The following RGPD8 variants were observed in gnomAD, a reference collection of about 807,000 sequenced individuals.
RGPD8 encodes the protein RANBP2 like and GRIP domain containing 8.
In RGPD8, 15 loss-of-function variants were observed where a neutral mutation model predicts 89.1. The observed-to-expected ratio is 0.17, with a 90% confidence interval of 0.11 to 0.26. The LOEUF is 0.26. Among genes scored for constraint, RGPD8 ranks in the 10% least tolerant of loss-of-function variants. RGPD8 has a pLI of 1.00. For missense variants in RGPD8, 178 were observed against 1,179.6 expected, an observed-to-expected ratio of 0.15 and a Z score of 12.44; for synonymous variants, 62 against 420.9, an observed-to-expected ratio of 0.15 and a Z score of 10.44.
At chr2:112,415,346 G>A (rs1381644751) in intron 6 of RGPD8, among the ~76,000 whole-genome samples, 1 of 152,084 alleles carries the variant, frequency 6.6e-6, no homozygotes, top group South Asian at 2.1e-4. Flanking sequence ...GGGCCCATGA[G>A]GCCTGATTAA....
chr2:112,423,950 AG>A (rs1679650556), intron 2 of RGPD8, among the ~76,000 whole-genome samples: 1 of 152,244 alleles, frequency 6.6e-6, no homozygotes, highest in South Asian at 2.1e-4. Flanking sequence ...ATTAAGATAT[AG>A]GCATGGTCCT....
intron 7 of RGPD8, among the ~76,000 whole-genome samples, chr2:112,409,529 G>T (rs1235138041): frequency 6.9e-6 from 1 of 144,198 alleles, no homozygotes; most frequent in African/African-American, 2.9e-5. Context: ...AGGTGTGGTG[G>T]CTCATACCTG....
At chr2:112,432,686 C>T (rs1234060321) in intron 1 of RGPD8, 1 of 985,222 alleles carries the variant, frequency 1.0e-6, no homozygotes, top group Non-Finnish European at 1.2e-6. Flanking sequence ...GGTGCCCAAG[C>T]CCCCGAGAAC....
chr2:112,424,770 A>C (rs1462194567), intron 1 of RGPD8, among the ~76,000 whole-genome samples: 15 of 150,384 alleles, frequency 1.0e-4, no homozygotes, highest in East Asian at 3.9e-4. Flanking sequence ...TCATCATCAT[A>C]AATAAGCTGG....
chr2:112,377,020 T>G (rs370927456), intron 22 of RGPD8, among the ~76,000 whole-genome samples: 93 of 93,392 alleles, frequency 1.0e-3, no homozygotes, highest in African/African-American at 2.8e-3. Context: ...CTCTCCCCTA[T>G]TTACGCCAAA....
chr2:112,376,542 G>A lies in RGPD8; in HGVS notation c.5263+1511C>T, dbSNP rs1337933619. 3.5e-5 allele frequency among the ~76,000 whole-genome samples: 4 copies of A among 115,172 alleles called. 1 individual carries two copies. Among genetic ancestry groups the A allele is most frequent in the African/African-American group, 9.1e-5 (3 of 33,006 alleles). The allele number at this position is 115,172 out of a possible 152,430, so 75.6% of individuals were successfully genotyped here. On this transcript the variant is annotated intron_variant, in intron 22 of 22. Transcript: ENST00000302558. Reference sequence around the variant, plus strand: ...TAAAAAAACAACAAAATGACTGGGCGTGGTGGCTCACACCTGTAATCCCAG... The same window carrying A: ...TAAAAAAACAACAAAATGACTGGGCATGGTGGCTCACACCTGTAATCCCAG...
intron 2 of RGPD8, among the ~76,000 whole-genome samples, chr2:112,424,019 T>C (rs1679653990): frequency 6.6e-6 from 1 of 152,226 alleles, no homozygotes; most frequent in Admixed American, 6.5e-5. Context: ...AACAATTTCT[T>C]GCCCTTGGTA....
At chr2:112,417,099 A>C (rs1463399015) in intron 6 of RGPD8, 94 bp downstream of exon 6, 8 of 1,606,066 alleles carry the variant, frequency 5.0e-6, no homozygotes, top group Non-Finnish European at 6.8e-6. Flanking sequence ...CATTATAGAA[A>C]TAATGATTCA....
At chr2:112,411,015 G>A (rs1679164141) in intron 7 of RGPD8, among the ~76,000 whole-genome samples, 3 of 151,960 alleles carry the variant, frequency 2.0e-5, no homozygotes, top group Admixed American at 1.3e-4. Flanking sequence ...AACCCGGGAG[G>A]CAGAGGTTGC....
chr2:112,392,766 A>AT (rs1384196461), intron 18 of RGPD8, among the ~76,000 whole-genome samples: 11 of 94,668 alleles, frequency 1.2e-4, no homozygotes, highest in African/African-American at 4.0e-4. Flanking sequence ...CCATGAACTC[A>AT]TTAATATTCA....
intron 19 of RGPD8, among the ~76,000 whole-genome samples, 154 bp from the exon 20 acceptor site, chr2:112,390,401 C>G (rs1028227279): frequency 7.6e-6 from 1 of 132,152 alleles, no homozygotes; most frequent in African/African-American, 2.8e-5. Context: ...CATTAATGTG[C>G]CAGCTGGGCA....
chr2:112,431,076 A>T (rs1421692489), intron 1 of RGPD8, among the ~76,000 whole-genome samples: 2 of 152,138 alleles, frequency 1.3e-5, no homozygotes, highest in African/African-American at 4.8e-5. Context: ...ACATGGTGAA[A>T]CCCAGTCTCT....
intron 1 of RGPD8, among the ~76,000 whole-genome samples, chr2:112,430,606 A>G (rs992611007): frequency 1.9e-4 from 29 of 151,444 alleles, no homozygotes; most frequent in African/African-American, 6.3e-4. Flanking sequence ...TTGGAAGCCA[A>G]GGTCCCCACT....
chr2:112,433,594 C>T lies in RGPD8; in HGVS notation c.-141G>A, dbSNP rs1680165867. Reference sequence around the variant, plus strand: ...GGCCCACTGTGACGAGCGTGCGGCGCCGCCCACGGAGGCCCACTGTGACGA... The same window carrying T: ...GGCCCACTGTGACGAGCGTGCGGCGTCGCCCACGGAGGCCCACTGTGACGA... On this transcript the variant is annotated 5_prime_UTR_variant, in exon 1 of 23. Coordinates refer to ENST00000302558, the MANE Select transcript of RGPD8 (RefSeq NM_001164463.1). The T allele has an allele frequency of 2.1e-6, 2 of 931,026 alleles. No homozygotes were observed. The highest frequency in any genetic ancestry group is 3.1e-6 in the Non-Finnish European group (2 of 635,186). 57.7% of individuals were successfully genotyped at this position (931,026 alleles called of 1,614,324 possible).
Position 112,371,063 on chromosome 2 carries a change from A to T in RGPD8, c.5264-851T>A, listed in dbSNP as rs1415892063. 7.3e-5 allele frequency among the ~76,000 whole-genome samples: 11 copies of T among 151,582 alleles called. No homozygotes were observed. In the East Asian group the frequency reaches 2.1e-3, roughly 29 times the overall value. Reference sequence around the variant, plus strand: ...TTGACGATAAGAGGATTTTAAAAAAAATTCTTTTAAAACAGAAGCTTATAT... The same window carrying T: ...TTGACGATAAGAGGATTTTAAAAAATATTCTTTTAAAACAGAAGCTTATAT... On this transcript the variant is annotated intron_variant, in intron 22 of 22. Transcript: ENST00000302558.
At chr2:112,413,537 T>C (rs1679267252) in intron 6 of RGPD8, among the ~76,000 whole-genome samples, 1 of 115,836 alleles carries the variant, frequency 8.6e-6, no homozygotes, top group East Asian at 2.1e-4. Flanking sequence ...TGAAGCATGA[T>C]TTTAAAGTGG....
chr2:112,374,867 T>TTTTC (rs1553501057), intron 22 of RGPD8, among the ~76,000 whole-genome samples: 1 of 134,744 alleles, frequency 7.4e-6, no homozygotes, highest in Non-Finnish European at 1.6e-5. Flanking sequence ...TCTTTTTTTT[T>TTTTC]TTTTTTTTTT....
chr2:112,430,251 G>A (rs1209432655), intron 1 of RGPD8, among the ~76,000 whole-genome samples: 1 of 152,122 alleles, frequency 6.6e-6, no homozygotes, highest in Non-Finnish European at 1.5e-5. Flanking sequence ...CAAACTGGGG[G>A]AGAATACTAA....
intron 1 of RGPD8, chr2:112,432,416 G>A (rs550866807): frequency 1.1e-6 from 1 of 900,338 alleles, no homozygotes; most frequent in African/African-American, 1.8e-5. Flanking sequence ...GGAGTGGAGT[G>A]GAGCTGGACC....
Sources: allele counts gnomAD v4.1 joint callset (sites outside exome capture counted in the v4.1 genomes callset), GRCh38; gene constraint gnomAD v4.1.1; transcripts MANE v1.5; gene names NCBI Gene and HGNC (gene_info 2026-07-23, HGNC 2026-07-21).